The following PLEKHG4B variants were observed in gnomAD, a reference collection of about 807,000 sequenced individuals.
PLEKHG4B encodes the protein pleckstrin homology domain-containing family G member 4B.
In PLEKHG4B, 111 loss-of-function variants were observed where a neutral mutation model predicts 121.3. The observed-to-expected ratio is 0.92, with a 90% CI of 0.78 to 1.07. The LOEUF is 1.07. Ranked by LOEUF, PLEKHG4B falls within the 50% of genes least tolerant of loss-of-function variation. The pLI is 0.00. For missense variants in PLEKHG4B, 1,831 were observed against 1,757.8 expected (o/e 1.04, Z -0.74); for synonymous variants, 738 against 725.0 (o/e 1.02, Z -0.29).
intron 2 of PLEKHG4B, among the ~76,000 whole-genome samples, chr5:131,968 C>T (rs2126382858): frequency 6.6e-6 from 1 of 152,234 alleles, no homozygotes; most frequent in Middle Eastern, 3.4e-3. Context: ...AAAATTAACA[C>T]TCTTTCATGA....
intron 8 of PLEKHG4B, 73 bp downstream of exon 8, chr5:155,064 G>T (rs1305633114): frequency 7.5e-7 from 1 of 1,336,710 alleles, no homozygotes; most frequent in East Asian, 2.3e-5. Context: ...GTTTTTACTA[G>T]AATTTGAAAA....
In PLEKHG4B at chr5:170,768, C is replaced by G. The variant is rs553109773; in HGVS notation, c.3730-275C>G. On this transcript the variant is annotated intron_variant, in intron 14 of 19. Transcript: ENST00000637938. ...ACTGCCAGCTGCATCCTCTTCCCCC[C>G]TCAACCCCCTGGAGTCTGTGTTTTA... Among the ~76,000 whole-genome samples, 8 of 152,292 alleles carry G rather than the reference C, an allele frequency of 5.3e-5. No homozygotes were observed. The East Asian group carries it at 7.7e-4, about 15-fold the overall frequency.
In PLEKHG4B at chr5:183,401, A is replaced by G. The variant is rs4956991; in HGVS notation, c.*1078A>G. 82,457 of 152,074 alleles carry G rather than the reference A, an allele frequency of 0.54. 24,176 individuals are homozygous for G. Among genetic ancestry groups the G allele is most frequent in the Non-Finnish European group, 0.67 (45,465 of 67,986 alleles). 9.4% of individuals were successfully genotyped at this position (152,074 alleles called of 1,614,324 possible). ...CTGGCAAAGCCAACCACCCAGAGCC[A>G]GCGTCTGTGCTAGAATCACAGAATT... On this transcript the variant is annotated 3_prime_UTR_variant, in exon 20 of 20. Coordinates refer to ENST00000637938, the MANE Select transcript of PLEKHG4B (RefSeq NM_052909.5).
rs756439886 is a variant in PLEKHG4B, at chr5:169,449, T to C, written c.3586T>C (p.Leu1196=). ...NYFPEMERMD[L]PQGLRGKHHV... ...TTTTCCAGAAATGGAAAGAATGGACTTGCCCCAGGGCCTTCGAGGGAAGCA... is the reference window on the plus strand; with the variant it reads ...TTTTCCAGAAATGGAAAGAATGGACCTGCCCCAGGGCCTTCGAGGGAAGCA... Residue 1196 remains leucine, a synonymous_variant, in exon 14 of 20, where the codon TTG becomes CTG. Transcript: ENST00000637938. The C allele has an allele frequency of 6.2e-7, 1 of 1,614,226 alleles. No individual in the cohort carries two copies. The highest frequency in any genetic ancestry group is 1.1e-5 in the South Asian group (1 of 91,086).
intron 1 of PLEKHG4B, among the ~76,000 whole-genome samples, chr5:92,621 C>T (rs1265073666): frequency 1.3e-5 from 2 of 151,346 alleles, no homozygotes; most frequent in African/African-American, 2.4e-5. Flanking sequence ...GCTGCGGGAA[C>T]GGGAGGGAGC....
chr5:102,185 T>G (rs139343992), intron 1 of PLEKHG4B, among the ~76,000 whole-genome samples: 127 of 151,426 alleles, frequency 8.4e-4, no homozygotes, highest in African/African-American at 2.7e-3. Context: ...TCCATATAAA[T>G]CCCTGGAAGA....
In PLEKHG4B at chr5:183,552, A is replaced by C. The variant is rs1733496881; in HGVS notation, c.*1229A>C. 6.6e-6 allele frequency: 1 copy of C among 152,244 alleles called. No individual in the cohort carries two copies. The highest frequency in any genetic ancestry group is 2.4e-5 in the African/African-American group (1 of 41,456). 9.4% of individuals were successfully genotyped at this position (152,244 alleles called of 1,614,324 possible). ...CAGGAGATCAAGACCATCCTGGCTAACATGGTGAAACCCCGCCTACTAAAA... is the reference window on the plus strand; with the variant it reads ...CAGGAGATCAAGACCATCCTGGCTACCATGGTGAAACCCCGCCTACTAAAA... On this transcript the variant is annotated 3_prime_UTR_variant, in exon 20 of 20. Coordinates refer to ENST00000637938, the MANE Select transcript of PLEKHG4B (RefSeq NM_052909.5).
chr5:163,651 T>C, intron 13 of PLEKHG4B, 103 bp downstream of exon 13: 1 of 1,006,636 alleles, frequency 9.9e-7, no homozygotes, highest in Non-Finnish European at 1.4e-6. Flanking sequence ...AGAAAGTAAA[T>C]CCGCAGACAT....
chr5:174,769 A>G (rs1377200599), intron 18 of PLEKHG4B, among the ~76,000 whole-genome samples: 1 of 152,102 alleles, frequency 6.6e-6, no homozygotes, highest in Non-Finnish European at 1.5e-5. Context: ...CGTTAGGGAC[A>G]GAATAGCCAA....
intron 2 of PLEKHG4B, among the ~76,000 whole-genome samples, chr5:122,223 A>G (rs949745140): frequency 6.6e-6 from 1 of 152,126 alleles, no homozygotes; most frequent in Non-Finnish European, 1.5e-5. Flanking sequence ...AAGGAAGAAC[A>G]AAAGAACAAA....
Position 137,588 on chromosome 5 carries a change from A to G in PLEKHG4B, c.244-1895A>G, listed in dbSNP as rs1334454231. ...TTGTCTCATCAAATATTTGATATGT[A>G]GAGACCTGTAGACCCCTGTGGGAGG... On this transcript the variant is annotated intron_variant, in intron 2 of 19. Transcript: ENST00000637938. The surrounding 1 kb of genome is among the most constrained non-coding windows in gnomAD (Gnocchi z 4.2). Among the ~76,000 whole-genome samples the G allele has an allele frequency of 6.6e-6, 1 of 152,218 alleles. No homozygotes were observed. Among genetic ancestry groups the G allele is most frequent in the Non-Finnish European group, 1.5e-5 (1 of 68,034 alleles).
chr5:101,904 G>A lies in PLEKHG4B; in HGVS notation c.45+9628G>A, dbSNP rs1269210657. On this transcript the variant is annotated intron_variant, in intron 1 of 19. Coordinates refer to ENST00000637938, the MANE Select transcript of PLEKHG4B (RefSeq NM_052909.5). ...GTCTGTAGGGGAGAGACTGTTGTGA[G>A]GTAAATCCATATAAAGCCCTGGAAA... Among the ~76,000 whole-genome samples the A allele has an allele frequency of 9.0e-5, 7 of 77,766 alleles. 1 individual carries two copies. Among genetic ancestry groups the A allele is most frequent in the Non-Finnish European group, 1.2e-4 (5 of 42,938 alleles). The allele number at this position is 77,766 out of a possible 152,430, so 51.0% of individuals were successfully genotyped here. A position where few individuals can be genotyped will look rare whatever the true frequency, so the allele number is the denominator to read the frequency against.
At position 188,024 on chromosome 5, in the gene PLEKHG4B, C is replaced by T. The variant is rs1328893889; in HGVS notation, c.*5701C>T. ...AGGCATCCCTGGCCCCCCTTTGCCC[C>T]CGCCCTGCTCTCAGGAGCCCCCTGC... On this transcript the variant is annotated 3_prime_UTR_variant, in exon 20 of 20. Coordinates refer to ENST00000637938, the MANE Select transcript of PLEKHG4B (RefSeq NM_052909.5). 6.6e-6 allele frequency: 1 copy of T among 152,344 alleles called. No homozygotes were observed. The highest frequency in any genetic ancestry group is 1.5e-5 in the Non-Finnish European group (1 of 68,150). The allele number at this position is 152,344 out of a possible 1,614,324, so 9.4% of individuals were successfully genotyped here. A position where few individuals can be genotyped will look rare whatever the true frequency, so the allele number is the denominator to read the frequency against.
At chr5:150,081 A>C (rs1290171080) in intron 6 of PLEKHG4B, among the ~76,000 whole-genome samples, 1 of 152,250 alleles carries the variant, frequency 6.6e-6, no homozygotes, top group Non-Finnish European at 1.5e-5. Context: ...TAGCAGCATT[A>C]TCCATAACAG....
rs1735904442 is a variant in PLEKHG4B, at chr5:159,097, C to A, written c.2487+2186C>A. ...CTTCTCGGTGGAAGCCACAGACTTT[C>A]CTGTCGTCCTCGGGGCTCTGGAATC... On this transcript the variant is annotated intron_variant, in intron 11 of 19. Transcript: ENST00000637938. The surrounding 1 kb of genome is among the most constrained non-coding windows in gnomAD (Gnocchi z 5.5). 7.0e-6 allele frequency among the ~76,000 whole-genome samples: 1 copy of A among 142,494 alleles called. No individual in the cohort carries two copies. Among genetic ancestry groups the A allele is most frequent in the African/African-American group, 2.6e-5 (1 of 38,014 alleles). 93.5% of individuals were successfully genotyped at this position (142,494 alleles called of 152,430 possible).
chr5:99,207 TATATA>T (rs1560892549), intron 1 of PLEKHG4B, among the ~76,000 whole-genome samples: 10 of 118,030 alleles, frequency 8.5e-5, no homozygotes, highest in Non-Finnish European at 1.4e-4. Context: ...TATATATATA[TATATA>T]TTTTGCGATT....
In PLEKHG4B at chr5:163,097, C is replaced by G; in HGVS notation, c.3025C>G (p.Leu1009Val). 6.4e-7 allele frequency: 1 copy of G among 1,563,550 alleles called. No individual in the cohort carries two copies. The highest frequency in any genetic ancestry group is 8.7e-7 in the Non-Finnish European group (1 of 1,154,048). The change falls in exon 13 of 20, where the codon CTG becomes GTG. Residue 1009 changes from leucine to valine, a missense_variant. Leu to Val is a conservative substitution (Grantham distance 32, BLOSUM62 1). Coordinates refer to ENST00000637938, the MANE Select transcript of PLEKHG4B (RefSeq NM_052909.5). ...GGGAWEPAQP[L>V]SGLPGRALLC... The stretch of plus-strand genomic sequence containing the variant: ...TGGTGCCTGGGAACCTGCGCAACCA[C>G]TGTCCGGCCTCCCTGGACGAGCGCT...
At chr5:109,965 GCA>G (rs1734089078) in intron 1 of PLEKHG4B, among the ~76,000 whole-genome samples, 2 of 150,268 alleles carry the variant, frequency 1.3e-5, no homozygotes, top group South Asian at 2.1e-4. Context: ...TGCAACACGT[GCA>G]CACACCGGTT....
Position 170,926 on chromosome 5 carries a change from A to G in PLEKHG4B, c.3730-117A>G, listed in dbSNP as rs550392911. 1.9e-5 allele frequency: 14 copies of G among 747,060 alleles called. No individual in the cohort carries two copies. In the Admixed American group the frequency reaches 2.9e-4, roughly 16 times the overall value. The allele number at this position is 747,060 out of a possible 1,614,324, so 46.3% of individuals were successfully genotyped here. On this transcript the variant is annotated intron_variant, in intron 14 of 19. Coordinates refer to ENST00000637938, the MANE Select transcript of PLEKHG4B (RefSeq NM_052909.5). Reference sequence around the variant, plus strand: ...CTCCCTTTCACCTGATCATGGTACAAACTGCACCTGGGGGGTCTTGGGACG... The same window carrying G: ...CTCCCTTTCACCTGATCATGGTACAGACTGCACCTGGGGGGTCTTGGGACG...
Sources: gnomAD v4.1 joint callset for allele counts (sites outside exome capture counted in the v4.1 genomes callset) on GRCh38, gnomAD v4.1.1 for gene constraint, Gnocchi (gnomAD v3.1) non-coding constraint, MANE v1.5 for transcripts, NCBI Gene and HGNC (gene_info 2026-07-23, HGNC 2026-07-21) for gene names.